Variants in RAI14 observed in about 807,000 individuals in gnomAD.
The protein encoded by RAI14 is retinoic acid induced 14.
RAI14 carries 45 observed loss-of-function variants against 115.4 expected under a neutral mutation model. The ratio of observed to expected loss-of-function variants is 0.39; its 90% CI spans 0.31 to 0.50. The LOEUF is 0.50. Ranked by LOEUF, RAI14 falls within the 20% of genes least tolerant of loss-of-function variation. The pLI, the probability that RAI14 is intolerant of heterozygous loss-of-function variation, is 0.85. For missense variants in RAI14, 939 were observed against 1,131.2 expected, an observed-to-expected ratio of 0.83 and a Z score of 2.44; for synonymous variants, 371 against 415.4, an observed-to-expected ratio of 0.89 and a Z score of 1.30.
intron 3 of RAI14, among the ~76,000 whole-genome samples, chr5:34,783,955 C>G (rs555696524): frequency 6.6e-6 from 1 of 152,296 alleles, no homozygotes; most frequent in South Asian, 2.1e-4. Flanking sequence ...AAAAGGTGTC[C>G]ACACATACAT....
intron 4 of RAI14, 122 bp from the exon 5 acceptor site, chr5:34,803,590 A>G: frequency 2.4e-6 from 2 of 816,966 alleles, no homozygotes; most frequent in Non-Finnish European, 1.9e-6. Flanking sequence ...AAAAAAACAC[A>G]GTTCCGTCTT....
chr5:34,669,402 G>GT (rs1743465735), intron 1 of RAI14, among the ~76,000 whole-genome samples: 1 of 152,262 alleles, frequency 6.6e-6, no homozygotes, highest in African/African-American at 2.4e-5. Flanking sequence ...ACCAACCCCT[G>GT]ATTATTTTTA....
intron 6 of RAI14, 57 bp from the exon 7 acceptor site, chr5:34,808,527 C>T (rs926159211): frequency 3.0e-5 from 44 of 1,479,132 alleles, no homozygotes; most frequent in Non-Finnish European, 4.1e-5. Flanking sequence ...TATCTGATAC[C>T]CCTGGTTGTG....
chr5:34,719,157 T>TGG (rs3070139), intron 2 of RAI14, among the ~76,000 whole-genome samples: 85,222 of 151,792 alleles, frequency 0.56, 24,520 homozygotes, highest in African/African-American at 0.68. Flanking sequence ...GGATGGGGGC[T>TGG]AATTACCTGG....
chr5:34,753,761 A>G (rs1747470626), intron 2 of RAI14, among the ~76,000 whole-genome samples: 1 of 152,142 alleles, frequency 6.6e-6, no homozygotes, highest in South Asian at 2.1e-4. Flanking sequence ...TAAAAATACA[A>G]AAATTAGCTG....
At chr5:34,760,385 T>C (rs1178607655) in intron 3 of RAI14, among the ~76,000 whole-genome samples, 2 of 152,220 alleles carry the variant, frequency 1.3e-5, no homozygotes, top group Admixed American at 6.5e-5. Flanking sequence ...CCAGATGCTC[T>C]GAATCACTTG....
intron 7 of RAI14, among the ~76,000 whole-genome samples, chr5:34,810,528 C>T (rs1377561202): frequency 6.6e-6 from 1 of 152,062 alleles, no homozygotes; most frequent in African/African-American, 2.4e-5. Flanking sequence ...TATTTTGATA[C>T]ATAGCAAGAT....
At chr5:34,737,651 C>T (rs919788256) in intron 2 of RAI14, among the ~76,000 whole-genome samples, 13 of 151,902 alleles carry the variant, frequency 8.6e-5, no homozygotes, top group African/African-American at 3.1e-4. Flanking sequence ...CTCAACTACT[C>T]AGGAAACTGA....
chr5:34,691,360 A>T (rs1243497220), intron 2 of RAI14, among the ~76,000 whole-genome samples: 1 of 152,248 alleles, frequency 6.6e-6, no homozygotes, highest in African/African-American at 2.4e-5. Flanking sequence ...ATTGACTTTT[A>T]TGCTTATTAA....
intron 3 of RAI14, among the ~76,000 whole-genome samples, chr5:34,779,230 A>G (rs1347034836): frequency 6.6e-6 from 1 of 151,838 alleles, no homozygotes; most frequent in Non-Finnish European, 1.5e-5. Context: ...TCTCAAAATA[A>G]TAAGAGCTAT....
chr5:34,740,233 A>G (rs1426728094), intron 2 of RAI14, among the ~76,000 whole-genome samples: 2 of 152,224 alleles, frequency 1.3e-5, no homozygotes, highest in African/African-American at 4.8e-5. Flanking sequence ...CATTGTTTTA[A>G]CAATAAATAG....
chr5:34,819,727 A>C (rs1375721994), intron 13 of RAI14, among the ~76,000 whole-genome samples: 2 of 152,092 alleles, frequency 1.3e-5, no homozygotes, highest in Non-Finnish European at 1.5e-5. Flanking sequence ...AGGTGTTTGG[A>C]GCCTTTAATT....
At chr5:34,751,000 C>T (rs920266185) in intron 2 of RAI14, among the ~76,000 whole-genome samples, 12 of 151,478 alleles carry the variant, frequency 7.9e-5, no homozygotes, top group African/African-American at 2.4e-4. Flanking sequence ...TTACAGGCTA[C>T]GCCACCATGC....
intron 2 of RAI14, among the ~76,000 whole-genome samples, chr5:34,711,514 A>G (rs570068018): frequency 1.3e-4 from 20 of 152,316 alleles, no homozygotes; most frequent in African/African-American, 4.8e-4. Flanking sequence ...ATCTTCAGTT[A>G]CTTCAGGCCA....
intron 3 of RAI14, among the ~76,000 whole-genome samples, chr5:34,784,013 T>C (rs1004247695): frequency 2.4e-4 from 37 of 152,232 alleles, no homozygotes; most frequent in Non-Finnish European, 5.9e-5. Context: ...GACATCCATT[T>C]GCCAAAGAGA....
At position 34,778,664 on chromosome 5, in the gene RAI14, C is replaced by A. The variant is rs77283835; in HGVS notation, c.168-17275C>A. 1.9e-3 allele frequency among the ~76,000 whole-genome samples: 292 copies of A among 151,850 alleles called. 6 individuals are homozygous for A. In the East Asian group the frequency reaches 0.051, roughly 26 times the overall value. Reference sequence around the variant, plus strand: ...CGGGTTTGGTGGCTCACACCTGTAACCCCAGTTTGGGAGAATCGCTTGAGG... The same window carrying A: ...CGGGTTTGGTGGCTCACACCTGTAAACCCAGTTTGGGAGAATCGCTTGAGG... On this transcript the variant is annotated intron_variant, in intron 3 of 17. Coordinates refer to ENST00000265109, the MANE Select transcript of RAI14 (RefSeq NM_015577.3).
chr5:34,677,412 A>C (rs1445228664), intron 1 of RAI14, among the ~76,000 whole-genome samples: 2 of 151,638 alleles, frequency 1.3e-5, no homozygotes, highest in African/African-American at 4.8e-5. Context: ...TGCCCTTCCA[A>C]AGTTCTGGGA....
At position 34,687,442 on chromosome 5, in the gene RAI14, C is replaced by G; in HGVS notation, c.36+487C>G. ...CTACTGCTGCCCGTACCTTTCCTCC[C>G]CCCGAATTCCAGGGACTCGTACTCA... On this transcript the variant is annotated intron_variant, in intron 2 of 17. Coordinates refer to ENST00000265109, the MANE Select transcript of RAI14 (RefSeq NM_015577.3). The G allele has an allele frequency of 5.5e-6, 4 of 728,606 alleles. No homozygotes were observed. The Admixed American group carries it at 1.2e-4, about 22-fold the overall frequency. 45.1% of individuals were successfully genotyped at this position (728,606 alleles called of 1,614,324 possible).
chr5:34,734,309 G>A (rs895648462), intron 2 of RAI14, among the ~76,000 whole-genome samples: 8 of 152,302 alleles, frequency 5.3e-5, no homozygotes, highest in Admixed American at 1.3e-4. Context: ...CTGATTGCCC[G>A]CTCCCCAGTG....
Sources: allele counts gnomAD v4.1 joint callset (sites outside exome capture counted in the v4.1 genomes callset), GRCh38; gene constraint gnomAD v4.1.1; transcripts MANE v1.5; gene names NCBI Gene and HGNC (gene_info 2026-07-23, HGNC 2026-07-21).